Variants in PPP2R5C observed in about 807,000 individuals in gnomAD.
PPP2R5C encodes serine/threonine-protein phosphatase 2A 56 kDa regulatory subunit gamma isoform.
Under a neutral mutation model 68.9 loss-of-function variants are expected in PPP2R5C, and 7 were observed. That is an observed-to-expected ratio of 0.10 (90% CI 0.06 to 0.19). PPP2R5C has a LOEUF of 0.19. Ranked by LOEUF, PPP2R5C falls within the 10% of genes least tolerant of loss-of-function variation. PPP2R5C has a pLI of 1.00. For missense variants in PPP2R5C, 348 were observed against 641.3 expected, an observed-to-expected ratio of 0.54 and a Z score of 4.94; for synonymous variants, 210 against 222.2, an observed-to-expected ratio of 0.95 and a Z score of 0.49.
At chr14:101,798,636 A>G (rs373590574) in intron 3 of PPP2R5C, among the ~76,000 whole-genome samples, 5 of 152,350 alleles carry the variant, frequency 3.3e-5, no homozygotes, top group Non-Finnish European at 1.5e-5. Context: ...TGTCTAGTAC[A>G]TAGATTATTG....
At position 101,906,072 on chromosome 14, in the gene PPP2R5C, C is replaced by T. The variant is rs1047701789; in HGVS notation, c.1024-330C>T. ...AACACAGCACGCCCTCTTGACCTGA[C>T]AGATGGGGGAGGCGGGTGGATAGGT... On this transcript the variant is annotated intron_variant, in intron 9 of 13. Transcript: ENST00000334743. The surrounding 1 kb of genome is among the most constrained non-coding windows in gnomAD (Gnocchi z 4.0). Among the ~76,000 whole-genome samples the T allele has an allele frequency of 2.0e-5, 3 of 152,220 alleles. No individual in the cohort carries two copies. The highest frequency in any genetic ancestry group is 7.2e-5 in the African/African-American group (3 of 41,452).
At chr14:101,904,923 G>A (rs763702196) in intron 9 of PPP2R5C, among the ~76,000 whole-genome samples, 14 of 152,262 alleles carry the variant, frequency 9.2e-5, no homozygotes, top group Non-Finnish European at 1.5e-5. Flanking sequence ...TCTGTGGAAC[G>A]TGCACTTGTG....
chr14:101,810,573 T>TA (rs1484417769), intron 1 of PPP2R5C, among the ~76,000 whole-genome samples: 2 of 152,218 alleles, frequency 1.3e-5, no homozygotes, highest in Non-Finnish European at 2.9e-5. Flanking sequence ...GAGAGAGAAA[T>TA]ATGCTCCACT....
chr14:101,763,243 G>A (rs1295352556), intron 2 of PPP2R5C, among the ~76,000 whole-genome samples: 7 of 150,956 alleles, frequency 4.6e-5, no homozygotes, highest in Non-Finnish European at 1.0e-4. Context: ...TTTTTGAGAC[G>A]GGGTCTCACT....
upstream of PPP2R5C, among the ~76,000 whole-genome samples, chr14:101,761,034 G>C (rs1310417763): frequency 7.8e-6 from 1 of 127,568 alleles, no homozygotes; most frequent in Non-Finnish European, 1.7e-5. Flanking sequence ...CGGGGTGGTC[G>C]AGGGGAGGGG....
chr14:101,875,201 G>T (rs1424786543), intron 2 of PPP2R5C, among the ~76,000 whole-genome samples: 1 of 152,174 alleles, frequency 6.6e-6, no homozygotes, highest in Non-Finnish European at 1.5e-5. Context: ...TTCTTTGAAA[G>T]CAGCTCTTGC....
rs149810683 is a variant in PPP2R5C at position 101,873,788 on chromosome 14, G to A, written c.295-8373G>A. 9.3e-4 allele frequency among the ~76,000 whole-genome samples: 141 copies of A among 152,250 alleles called. 1 individual carries two copies. Among genetic ancestry groups the A allele is most frequent in the African/African-American group, 3.3e-3 (135 of 41,536 alleles). ...CAGTTTGAATCCTGGGTCCCACCTG[G>A]GTTCTTTCTGCCTATACTACAACCT... On this transcript the variant is annotated intron_variant, in intron 2 of 13. Transcript: ENST00000334743.
At chr14:101,852,261 A>G (rs531365357) in intron 1 of PPP2R5C, among the ~76,000 whole-genome samples, 61 of 152,300 alleles carry the variant, frequency 4.0e-4, no homozygotes, top group Non-Finnish European at 1.5e-4. Context: ...ATCACTGACC[A>G]GTGAAACGCA....
At position 101,781,402 on chromosome 14, in the gene PPP2R5C, A is replaced by G. The variant is rs537980460; in HGVS notation, c.94-4616A>G. ...TGGCCCCTGAGCCGCTAGGCTGCCAAGGCGCGCTGTGCGCGTGGGGCCAGG... is the reference window on the plus strand; with the variant it reads ...TGGCCCCTGAGCCGCTAGGCTGCCAGGGCGCGCTGTGCGCGTGGGGCCAGG... On this transcript the variant is annotated intron_variant, in intron 2 of 14. Coordinates refer to the PPP2R5C transcript ENST00000328724. This position sits in a 1 kb window ranked among gnomAD's most constrained non-coding sequence, Gnocchi z 6.4. 8.5e-5 allele frequency among the ~76,000 whole-genome samples: 13 copies of G among 152,262 alleles called. No homozygotes were observed. The highest frequency in any genetic ancestry group is 5.9e-4 in the Admixed American group (9 of 15,308).
chr14:101,795,478 T>C (rs1157460559), intron 3 of PPP2R5C, among the ~76,000 whole-genome samples: 1 of 152,222 alleles, frequency 6.6e-6, no homozygotes, highest in Non-Finnish European at 1.5e-5. Flanking sequence ...TTAACATTTT[T>C]GGACTGGAAG....
upstream of PPP2R5C, among the ~76,000 whole-genome samples, chr14:101,808,843 C>A (rs1429307451): frequency 6.6e-6 from 1 of 152,188 alleles, no homozygotes; most frequent in African/African-American, 2.4e-5. Context: ...AGTTCGTTTT[C>A]ATTTGGAACT....
In PPP2R5C at chr14:101,765,510, T is replaced by C. The variant is rs1453934764; in HGVS notation, c.93+2540T>C. 4 of 451,628 alleles carry C rather than the reference T, an allele frequency of 8.9e-6. No individual in the cohort carries two copies. The East Asian group carries it at 1.5e-4, about 16-fold the overall frequency. 28.0% of individuals were successfully genotyped at this position (451,628 alleles called of 1,614,324 possible). A position where few individuals can be genotyped will look rare whatever the true frequency, so the allele number is the denominator to read the frequency against. ...CTCTCTCTCAGTATTACTCTTAACT[T>C]GAATATTTTAACCTGAACAATTTAA... On this transcript the variant is annotated intron_variant, in intron 2 of 14. Transcript: ENST00000328724.
At position 101,763,669 on chromosome 14, in the gene PPP2R5C, C is replaced by T. The variant is rs555487352; in HGVS notation, c.93+699C>T. Among the ~76,000 whole-genome samples, 4 of 152,296 alleles carry T rather than the reference C, an allele frequency of 2.6e-5. 1 individual carries two copies. Among genetic ancestry groups the T allele is most frequent in the Admixed American group, 2.0e-4 (3 of 15,308 alleles). On this transcript the variant is annotated intron_variant, in intron 2 of 14. Transcript: ENST00000328724. ...GTGCTGGGATTACAGGCCTGAGCCA[C>T]CGTGCCCATCCTGGATCTGGTATTT...
intron 2 of PPP2R5C, among the ~76,000 whole-genome samples, chr14:101,880,474 T>C (rs1445907470): frequency 6.6e-6 from 1 of 152,160 alleles, no homozygotes; most frequent in Non-Finnish European, 1.5e-5. Context: ...ATATTAAGGT[T>C]TGGAGTTCAG....
chr14:101,883,310 T>C lies in PPP2R5C; in HGVS notation c.459T>C (p.Asn153=), dbSNP rs773530092. The C allele has an allele frequency of 2.6e-5, 42 of 1,594,868 alleles. No homozygotes were observed. The Admixed American group carries it at 4.1e-4, about 15-fold the overall frequency. Reference sequence around the variant, plus strand: ...TAGAGTCTCCAGATTTCCAACCTAATATAGCGAAGAAATATATTGATCAGA... The same window carrying C: ...TAGAGTCTCCAGATTTCCAACCTAACATAGCGAAGAAATATATTGATCAGA... Residue 153 remains asparagine (N), a synonymous_variant, in exon 4 of 14, where the codon AAT becomes AAC. Transcript: ENST00000334743.
At chr14:101,824,831 C>T (rs1407806095) in intron 1 of PPP2R5C, 1 of 152,452 alleles carries the variant, frequency 6.6e-6, no homozygotes, top group Non-Finnish European at 1.5e-5. Flanking sequence ...AGCAAGGCCT[C>T]CCAGGAGAAG....
At chr14:101,924,323 T>C (rs1206686218) in intron 13 of PPP2R5C, among the ~76,000 whole-genome samples, 3 of 152,094 alleles carry the variant, frequency 2.0e-5, no homozygotes, top group African/African-American at 2.4e-5. Context: ...TCCTAGACTT[T>C]AGAAAGACAA....
At chr14:101,834,356 G>C (rs1362098805) in intron 1 of PPP2R5C, among the ~76,000 whole-genome samples, 1 of 152,214 alleles carries the variant, frequency 6.6e-6, no homozygotes, top group Non-Finnish European at 1.5e-5. Context: ...CAGCTTCAGG[G>C]GGACCCTCTT....
At position 101,906,596 on chromosome 14, in the gene PPP2R5C, A is replaced by G. The variant is rs1828303186; in HGVS notation, c.1151+67A>G. ...ATATGGCACGTTTTACTGCTACTTC[A>G]GTAAGAATAAATATCAGAATTTTAA... On this transcript the variant is annotated intron_variant, in intron 10 of 13. Coordinates refer to ENST00000334743, the Ensembl canonical transcript of PPP2R5C. The surrounding 1 kb of genome is among the most constrained non-coding windows in gnomAD (Gnocchi z 4.0). 5 of 1,494,932 alleles carry G rather than the reference A, an allele frequency of 3.3e-6. No individual in the cohort carries two copies. Among genetic ancestry groups the G allele is most frequent in the Non-Finnish European group, 9.0e-7 (1 of 1,106,018 alleles). 92.6% of individuals were successfully genotyped at this position (1,494,932 alleles called of 1,614,324 possible).
Sources: allele counts gnomAD v4.1 joint callset (sites outside exome capture counted in the v4.1 genomes callset), GRCh38; gene constraint gnomAD v4.1.1; non-coding constraint Gnocchi (gnomAD v3.1); transcripts MANE v1.5; gene names NCBI Gene and HGNC (gene_info 2026-07-23, HGNC 2026-07-21).